Variants in ANKFN1 observed in about 807,000 individuals in gnomAD.
The protein encoded by ANKFN1 is ankyrin repeat and fibronectin type III domain containing 1.
ANKFN1 carries 74 observed loss-of-function variants against 108.7 expected under a neutral mutation model. The observed-to-expected ratio is 0.68, with a 90% confidence interval of 0.56 to 0.83. The LOEUF is 0.83. Among genes scored for constraint, ANKFN1 ranks in the 40% least tolerant of loss-of-function variants. The pLI is 0.00. For synonymous variants in ANKFN1, 547 were observed against 516.2 expected (o/e 1.06, Z -0.81); for missense variants, 1,505 against 1,382.3 (o/e 1.09, Z -1.41).
Position 56,449,067 on chromosome 17 carries a change from T to G in ANKFN1, c.1100-12T>G. 6.2e-7 allele frequency: 1 copy of G among 1,609,798 alleles called. No individual in the cohort carries two copies. The highest frequency in any genetic ancestry group is 8.5e-7 in the Non-Finnish European group (1 of 1,176,660). On this transcript the variant is annotated splice_polypyrimidine_tract_variant and intron_variant, in intron 10 of 20. Coordinates refer to ENST00000682825, the MANE Select transcript of ANKFN1 (RefSeq NM_001370326.1). ...TTAAAATTTCACTATGTTTATTTCT[T>G]TTGTTCAATAGACTGGAAAGACTAT...
intron 13 of ANKFN1, 78 bp from the exon 14 acceptor site, chr17:56,457,785 C>A: frequency 9.2e-7 from 1 of 1,082,112 alleles, no homozygotes; most frequent in Non-Finnish European, 1.4e-6. Context: ...ATTTCTTTCT[C>A]CCTGCTTTGC....
At chr17:56,385,722 G>A (rs539016172) in intron 8 of ANKFN1, among the ~76,000 whole-genome samples, 1 of 152,198 alleles carries the variant, frequency 6.6e-6, no homozygotes, top group Non-Finnish European at 1.5e-5. Flanking sequence ...ATGAAAAAAT[G>A]CTCACCATCA....
rs1046581602 is a variant in ANKFN1 at position 56,514,475 on chromosome 17, A to G, written c.*3206A>G. Among the ~76,000 whole-genome samples the G allele has an allele frequency of 1.3e-5, 2 of 152,202 alleles. No homozygotes were observed. The highest frequency in any genetic ancestry group is 2.9e-5 in the Non-Finnish European group (2 of 68,040). ...CTGTACAGACTCCTGAGGGAGTACA[A>G]CCTGGAAAATGCAAGTCATGGAAGT... is the stretch of plus-strand genomic sequence containing the variant. On this transcript the variant is annotated 3_prime_UTR_variant, in exon 21 of 21. Transcript: ENST00000682825.
chr17:56,111,822 A>G (rs1248609422), intron 4 of ANKFN1, among the ~76,000 whole-genome samples: 1 of 152,200 alleles, frequency 6.6e-6, no homozygotes, highest in Admixed American at 6.5e-5. Context: ...TGGTGGCATA[A>G]CTCATTGAGT....
intron 3 of ANKFN1, among the ~76,000 whole-genome samples, chr17:56,281,664 C>G (rs541878589): frequency 6.6e-6 from 1 of 152,164 alleles, no homozygotes; most frequent in Non-Finnish European, 1.5e-5. Flanking sequence ...AAAGACAACC[C>G]AATTTTTAAA....
At chr17:56,454,735 AGT>A (rs1026467211) in intron 11 of ANKFN1, among the ~76,000 whole-genome samples, 4 of 152,226 alleles carry the variant, frequency 2.6e-5, no homozygotes, top group Admixed American at 2.6e-4. Flanking sequence ...TTTGGATACC[AGT>A]GTTCTGAGAA....
chr17:56,202,979 G>A (rs1363935575), intron 1 of ANKFN1, among the ~76,000 whole-genome samples: 1 of 152,072 alleles, frequency 6.6e-6, no homozygotes, highest in East Asian at 1.9e-4. Flanking sequence ...AGGGAATTTT[G>A]AGTTACTATC....
At chr17:56,484,112 A>G (rs1394180662) in intron 18 of ANKFN1, among the ~76,000 whole-genome samples, 2 of 152,204 alleles carry the variant, frequency 1.3e-5, no homozygotes, top group Admixed American at 6.5e-5. Flanking sequence ...GGGGGAGTAG[A>G]ATGAGCAAAA....
chr17:56,103,467 G>A (rs1905686728), intron 4 of ANKFN1, among the ~76,000 whole-genome samples: 2 of 152,188 alleles, frequency 1.3e-5, no homozygotes, highest in Non-Finnish European at 2.9e-5. Context: ...TGTATCATGG[G>A]GGAGTTTGAG....
intron 8 of ANKFN1, among the ~76,000 whole-genome samples, chr17:56,399,843 T>TTA (rs71139904): frequency 0.05 from 3,233 of 64,606 alleles, 52 homozygotes; most frequent in South Asian, 0.17. Context: ...ATTCCATTTT[T>TTA]TATATATATA....
At chr17:56,484,789 T>C (rs552701900) in intron 18 of ANKFN1, among the ~76,000 whole-genome samples, 1 of 152,364 alleles carries the variant, frequency 6.6e-6, no homozygotes, top group South Asian at 2.1e-4. Context: ...CAGGATTCCA[T>C]TCTGTGTTAA....
chr17:56,306,987 CT>C (rs2044847825), intron 3 of ANKFN1, among the ~76,000 whole-genome samples: 2 of 152,162 alleles, frequency 1.3e-5, no homozygotes, highest in African/African-American at 4.8e-5. Context: ...AAACGATTCC[CT>C]ATTTAATAAA....
At chr17:56,204,380 G>A (rs575401257) in intron 1 of ANKFN1, among the ~76,000 whole-genome samples, 89 of 151,620 alleles carry the variant, frequency 5.9e-4, no homozygotes, top group African/African-American at 2.1e-3. Flanking sequence ...TTGCTCTGTC[G>A]CCCAGGCTGG....
intron 1 of ANKFN1, among the ~76,000 whole-genome samples, chr17:56,199,390 T>A (rs891153794): frequency 6.6e-6 from 1 of 152,192 alleles, no homozygotes; most frequent in African/African-American, 2.4e-5. Context: ...AAGAAGATAT[T>A]TTCTGAAAAT....
intron 4 of ANKFN1, among the ~76,000 whole-genome samples, chr17:56,078,919 C>A (rs1455015853): frequency 6.6e-6 from 1 of 152,150 alleles, no homozygotes; most frequent in African/African-American, 2.4e-5. Context: ...GGACACATAG[C>A]AAACAGCTCT....
In ANKFN1 at chr17:56,492,869, A is replaced by G. The variant is rs1252516344; in HGVS notation, c.2427+516A>G. Among the ~76,000 whole-genome samples the G allele has an allele frequency of 4.6e-5, 7 of 152,212 alleles. No homozygotes were observed. The East Asian group carries it at 1.4e-3, about 29-fold the overall frequency. On this transcript the variant is annotated intron_variant, in intron 19 of 20. Coordinates refer to ENST00000682825, the MANE Select transcript of ANKFN1 (RefSeq NM_001370326.1). Reference sequence around the variant, plus strand: ...GATCAGAAAATGTGTTCCCCTTCCCATGGTCTTTTCTGGTAAAGCCTATGG... The same window carrying G: ...GATCAGAAAATGTGTTCCCCTTCCCGTGGTCTTTTCTGGTAAAGCCTATGG...
intron 8 of ANKFN1, among the ~76,000 whole-genome samples, chr17:56,436,779 G>T (rs2048944328): frequency 6.6e-6 from 1 of 151,044 alleles, no homozygotes; most frequent in Non-Finnish European, 1.5e-5. Context: ...GGAGGTTGCA[G>T]TGAGCTGAGA....
chr17:56,209,900 T>C (rs1456711007), intron 1 of ANKFN1, among the ~76,000 whole-genome samples: 1 of 152,154 alleles, frequency 6.6e-6, no homozygotes, highest in Non-Finnish European at 1.5e-5. Context: ...TCCCCACTTA[T>C]GAGTGAGAAT....
intron 4 of ANKFN1, among the ~76,000 whole-genome samples, chr17:56,340,660 A>G (rs142068422): frequency 4.3e-4 from 66 of 151,986 alleles, no homozygotes; most frequent in Non-Finnish European, 8.4e-4. Context: ...CCATTGGTCT[A>G]TGTCTCTGTT....
Sources: gnomAD v4.1 joint callset for allele counts (sites outside exome capture counted in the v4.1 genomes callset) on GRCh38, gnomAD v4.1.1 for gene constraint, MANE v1.5 for transcripts, NCBI Gene and HGNC (gene_info 2026-07-23, HGNC 2026-07-21) for gene names.